GULP1: variants seen among roughly 807,000 people sequenced by gnomAD.
GULP1 encodes the protein GULP PTB domain containing engulfment adaptor 1, also known as PTB domain-containing engulfment adapter protein 1.
GULP1 carries 19 observed loss-of-function variants against 40.9 expected under a neutral mutation model. The observed-to-expected ratio is 0.46, with a 90% confidence interval of 0.32 to 0.68. The LOEUF (loss-of-function observed/expected upper bound fraction) is 0.68. GULP1 is among the 30% of genes least tolerant of loss of function. The pLI, the probability that GULP1 is intolerant of heterozygous loss-of-function variation, is 0.03. For synonymous variants in GULP1, 119 were observed against 117.6 expected (o/e 1.01, Z -0.08); for missense variants, 312 against 362.2 (o/e 0.86, Z 1.12).
intron 3 of GULP1, among the ~76,000 whole-genome samples, chr2:188,481,660 A>C (rs1245061534): frequency 6.6e-6 from 1 of 151,918 alleles, no homozygotes; most frequent in South Asian, 2.1e-4. Context: ...AGAAATTATT[A>C]ATACCTCTCT....
At chr2:188,542,122 A>G (rs1427542548) in intron 7 of GULP1, 2 of 151,992 alleles carry the variant, frequency 1.3e-5, no homozygotes, top group Non-Finnish European at 2.9e-5. Context: ...AAAAAAAAAA[A>G]CAACTTAAAA....
At chr2:188,499,634 C>T (rs938862908) in intron 4 of GULP1, among the ~76,000 whole-genome samples, 4 of 151,742 alleles carry the variant, frequency 2.6e-5, no homozygotes, top group Non-Finnish European at 5.9e-5. Context: ...TATAAGGTCA[C>T]ACCATGTAAA....
chr2:188,454,180 C>A (rs1436957007), intron 2 of GULP1, among the ~76,000 whole-genome samples: 1 of 152,180 alleles, frequency 6.6e-6, no homozygotes, highest in Non-Finnish European at 1.5e-5. Flanking sequence ...GATATGCTGA[C>A]AATTTCAACG....
chr2:188,484,253 C>A (rs1287229344), intron 4 of GULP1, among the ~76,000 whole-genome samples: 7 of 152,000 alleles, frequency 4.6e-5, no homozygotes, highest in African/African-American at 1.7e-4. Flanking sequence ...TTTAAAAATT[C>A]TTTTGTTCAA....
In GULP1 at chr2:188,407,170, A is replaced by G. The variant is rs554944654; in HGVS notation, c.-45+23281A>G. Among the ~76,000 whole-genome samples the G allele has an allele frequency of 8.5e-5, 13 of 152,302 alleles. No individual in the cohort carries two copies. The South Asian group carries it at 2.7e-3, about 32-fold the overall frequency. On this transcript the variant is annotated intron_variant, in intron 2 of 11. Transcript: ENST00000409830. ...TACCTGGAAGAGCTCTTCTTTAGAA[A>G]TGAAAGAGAGATAAATACTTTTCAG...
At chr2:188,441,244 T>C (rs547461198) in intron 2 of GULP1, among the ~76,000 whole-genome samples, 63 of 152,328 alleles carry the variant, frequency 4.1e-4, no homozygotes, top group Non-Finnish European at 7.6e-4. Flanking sequence ...TTCCTCTTAT[T>C]TTCAAATCTC....
intron 10 of GULP1, among the ~76,000 whole-genome samples, chr2:188,585,907 G>A (rs778124304): frequency 2.0e-5 from 3 of 152,090 alleles, no homozygotes; most frequent in South Asian, 4.1e-4. Context: ...CCACATAGTC[G>A]GGCTGCATAT....
chr2:188,459,036 A>T (rs925367469), intron 2 of GULP1, among the ~76,000 whole-genome samples: 2 of 152,098 alleles, frequency 1.3e-5, no homozygotes, highest in African/African-American at 4.8e-5. Context: ...CATTCTTTTT[A>T]CAGCTGAATA....
At chr2:188,468,153 T>C (rs373875435) in intron 2 of GULP1, among the ~76,000 whole-genome samples, 32 of 152,188 alleles carry the variant, frequency 2.1e-4, no homozygotes, top group African/African-American at 7.2e-4. Context: ...TTCTTTTGTT[T>C]AGTAGAACTG....
intron 1 of GULP1, among the ~76,000 whole-genome samples, chr2:188,329,562 C>T (rs1411000473): frequency 6.6e-6 from 1 of 151,978 alleles, no homozygotes; most frequent in Non-Finnish European, 1.5e-5. Context: ...GAAATTAAGT[C>T]AGAGAGGTAG....
intron 2 of GULP1, among the ~76,000 whole-genome samples, chr2:188,428,461 G>A (rs927269533): frequency 6.6e-6 from 1 of 152,104 alleles, no homozygotes; most frequent in South Asian, 2.1e-4. Flanking sequence ...ATTGTAGGAC[G>A]GGCTTGGTGG....
At chr2:188,462,211 T>C (rs1390533553) in intron 2 of GULP1, among the ~76,000 whole-genome samples, 1 of 152,202 alleles carries the variant, frequency 6.6e-6, no homozygotes, top group Non-Finnish European at 1.5e-5. Flanking sequence ...GCATATTGTG[T>C]AATTTTTATG....
chr2:188,585,855 G>A (rs1702263630), intron 10 of GULP1, among the ~76,000 whole-genome samples: 1 of 152,206 alleles, frequency 6.6e-6, no homozygotes. Context: ...ATTTCTGCAA[G>A]AGGCTTGAAT....
At chr2:188,318,248 G>A (rs1473469173) in intron 1 of GULP1, among the ~76,000 whole-genome samples, 2 of 151,566 alleles carry the variant, frequency 1.3e-5, no homozygotes, top group Admixed American at 6.6e-5. Flanking sequence ...TGTTATTTTA[G>A]TGAATCAGAG....
chr2:188,537,277 A>G (rs1342138877), intron 6 of GULP1, among the ~76,000 whole-genome samples: 1 of 151,892 alleles, frequency 6.6e-6, no homozygotes, highest in Non-Finnish European at 1.5e-5. Flanking sequence ...TCTCAAGGGG[A>G]ATGTTCCAGC....
At chr2:188,421,599 A>G (rs1255270420) in intron 2 of GULP1, among the ~76,000 whole-genome samples, 1 of 152,164 alleles carries the variant, frequency 6.6e-6, no homozygotes, top group Non-Finnish European at 1.5e-5. Context: ...AAGGCTTAAA[A>G]CCACACACAA....
At chr2:188,576,249 G>GA (rs145503643) in intron 9 of GULP1, among the ~76,000 whole-genome samples, 3,184 of 146,050 alleles carry the variant, frequency 0.022, 104 homozygotes, top group African/African-American at 0.076. Flanking sequence ...GTGCTTGAGT[G>GA]AAAAAAAAAA....
At chr2:188,371,118 A>G (rs1484862010) in intron 1 of GULP1, among the ~76,000 whole-genome samples, 2 of 152,262 alleles carry the variant, frequency 1.3e-5, no homozygotes, top group South Asian at 2.1e-4. Flanking sequence ...TTTGAATACT[A>G]TGGTTTCCTT....
intron 1 of GULP1, among the ~76,000 whole-genome samples, chr2:188,296,640 A>G (rs1030997360): frequency 6.6e-6 from 1 of 152,124 alleles, no homozygotes. Flanking sequence ...GTTAACTTAT[A>G]TAGAAATTAA....
Sources: allele counts gnomAD v4.1 joint callset (sites outside exome capture counted in the v4.1 genomes callset), GRCh38; gene constraint gnomAD v4.1.1; transcripts MANE v1.5; gene names NCBI Gene and HGNC (gene_info 2026-07-23, HGNC 2026-07-21).